The following CSMD3 variants were observed in gnomAD, a reference collection of about 807,000 sequenced individuals.
CSMD3 encodes CUB and sushi domain-containing protein 3.
CSMD3 carries 177 observed loss-of-function variants against 435.2 expected under a neutral mutation model. The ratio of observed to expected loss-of-function variants is 0.41; its 90% CI spans 0.36 to 0.46. The LOEUF (loss-of-function observed/expected upper bound fraction) is 0.46, where lower values mean the gene tolerates loss of function less well. Among genes scored for constraint, CSMD3 ranks in the 20% least tolerant of loss-of-function variants. The pLI is 0.34. For missense variants in CSMD3, 4,265 were observed against 4,504.6 expected (o/e 0.95, Z 1.52); for synonymous variants, 1,656 against 1,520.5 (o/e 1.09, Z -2.07).
intron 4 of CSMD3, among the ~76,000 whole-genome samples, chr8:113,158,753 T>G (rs2091981999): frequency 6.6e-6 from 1 of 152,006 alleles, no homozygotes. Flanking sequence ...TTTGTATATG[T>G]GTATATATAC....
chr8:113,154,858 G>T (rs2091901018), intron 4 of CSMD3, among the ~76,000 whole-genome samples: 1 of 151,900 alleles, frequency 6.6e-6, no homozygotes. Flanking sequence ...TCCTTCTGCT[G>T]CCATAACTGT....
At chr8:112,370,045 G>GAAT (rs1828210571) in intron 38 of CSMD3, among the ~76,000 whole-genome samples, 1 of 146,628 alleles carries the variant, frequency 6.8e-6, no homozygotes, top group Non-Finnish European at 1.5e-5. Context: ...AGAAGAAGAA[G>GAAT]AAGAAGAAGA....
intron 10 of CSMD3, among the ~76,000 whole-genome samples, chr8:112,907,115 GAAAAGTT>G (rs145019948): frequency 1.3e-5 from 2 of 151,632 alleles, no homozygotes; most frequent in East Asian, 3.9e-4. Flanking sequence ...TCAGAAAAGG[GAAAAGTT>G]AATTCAGGAA....
chr8:112,930,684 C>T (rs914077954), intron 9 of CSMD3, among the ~76,000 whole-genome samples: 5 of 152,064 alleles, frequency 3.3e-5, no homozygotes, highest in Non-Finnish European at 7.4e-5. Flanking sequence ...ATTTGATCTA[C>T]TCTTGACGTT....
At chr8:113,190,544 G>A (rs905110596) in intron 3 of CSMD3, among the ~76,000 whole-genome samples, 4 of 151,584 alleles carry the variant, frequency 2.6e-5, no homozygotes, top group African/African-American at 9.7e-5. Flanking sequence ...AAAGCCAGAG[G>A]GTTAGACTTT....
chr8:113,058,823 ATAGT>A (rs138213361), intron 5 of CSMD3, among the ~76,000 whole-genome samples: 3,035 of 152,102 alleles, frequency 0.02, 99 homozygotes, highest in African/African-American at 0.07. Flanking sequence ...TTTTTACTCT[ATAGT>A]TAGTTTTTAA....
chr8:112,287,169 T>G lies in CSMD3; in HGVS notation c.9226A>C (p.Ser3076Arg), dbSNP rs901475922. The G allele has an allele frequency of 5.0e-6, 8 of 1,613,660 alleles. No individual in the cohort carries two copies. The African/African-American group carries it at 1.1e-4, about 22-fold the overall frequency. Reference sequence around the variant, plus strand: ...GTATCACAAGCATAACGTACAGTACTTTTAGTTCTGAAATTGCTTTCCTGT... The same window carrying G: ...GTATCACAAGCATAACGTACAGTACGTTTAGTTCTGAAATTGCTTTCCTGT... ...SRQESNFRTK[S>R]TVRYACDTGY... The change falls in exon 58 of 71, where the codon AGT becomes CGT. Residue 3076 changes from serine to arginine, a missense_variant. Coordinates refer to ENST00000297405, the MANE Select transcript of CSMD3 (RefSeq NM_198123.2).
intron 13 of CSMD3, among the ~76,000 whole-genome samples, chr8:112,764,259 T>TTTG (rs2077919568): frequency 1.3e-5 from 2 of 151,684 alleles, no homozygotes; most frequent in Admixed American, 1.3e-4. Context: ...AACAGCATTT[T>TTTG]CATTTTAAGC....
intron 32 of CSMD3, among the ~76,000 whole-genome samples, chr8:112,433,253 C>CCTACAGCAGG (rs11280682): frequency 6.6e-6 from 1 of 151,532 alleles, no homozygotes; most frequent in Non-Finnish European, 1.5e-5. Context: ...GCAGAAATAA[C>CCTACAGCAGG]AAAGAAATAA....
chr8:113,014,267 T>C (rs2086367816), intron 6 of CSMD3, among the ~76,000 whole-genome samples: 1 of 152,166 alleles, frequency 6.6e-6, no homozygotes, highest in Admixed American at 6.6e-5. Context: ...ACAGTTCTCT[T>C]TGCAGACTAT....
rs187462933 is a variant in CSMD3, at chr8:113,035,939, T to C, written c.918-16760A>G. ...AAATGCATTCATTATTTGCCCATAA[T>C]TGCATTCTCAATACATTCCATTCCC... is the stretch of plus-strand genomic sequence containing the variant. On this transcript the variant is annotated intron_variant, in intron 5 of 70. Coordinates refer to ENST00000297405, the MANE Select transcript of CSMD3 (RefSeq NM_198123.2). 1.0e-3 allele frequency among the ~76,000 whole-genome samples: 152 copies of C among 152,104 alleles called. 1 individual carries two copies. In the East Asian group the frequency reaches 0.021, roughly 21 times the overall value.
rs1459022874 is a variant in CSMD3, at chr8:113,436,735, A to G, written c.120T>C (p.Ile40=). ...GGTTCCAAAACGTAAATCCACTTTTAATCCCCATTTTCTTCATCAGGATGA... is the reference window on the plus strand; with the variant it reads ...GGTTCCAAAACGTAAATCCACTTTTGATCCCCATTTTCTTCATCAGGATGA... The part of the protein sequence containing the change: ...LDFILMKKMG[I]KSGFTFWNLV... Residue 40 remains isoleucine, a synonymous_variant, in exon 1 of 71, where the codon ATT becomes ATC. Transcript: ENST00000297405. 4.3e-6 allele frequency: 7 copies of G among 1,614,180 alleles called. No individual in the cohort carries two copies. The highest frequency in any genetic ancestry group is 5.1e-6 in the Non-Finnish European group (6 of 1,180,030).
intron 10 of CSMD3, among the ~76,000 whole-genome samples, chr8:112,902,405 C>T (rs796674334): frequency 6.6e-6 from 1 of 151,194 alleles, no homozygotes; most frequent in Non-Finnish European, 1.5e-5. Context: ...TGCATCCAGC[C>T]CAGTCCCAAG....
At chr8:113,417,653 G>C (rs1171678191) in intron 1 of CSMD3, among the ~76,000 whole-genome samples, 1 of 151,914 alleles carries the variant, frequency 6.6e-6, no homozygotes. Context: ...TACACTATAG[G>C]CTGTCTTATT....
intron 1 of CSMD3, among the ~76,000 whole-genome samples, chr8:113,367,918 A>T (rs1328374670): frequency 6.6e-6 from 1 of 151,946 alleles, no homozygotes; most frequent in Non-Finnish European, 1.5e-5. Context: ...AATCTAAATT[A>T]TTTTATTTAT....
intron 7 of CSMD3, among the ~76,000 whole-genome samples, chr8:112,960,755 T>G (rs140831065): frequency 6.6e-6 from 1 of 151,764 alleles, no homozygotes; most frequent in African/African-American, 2.4e-5. Context: ...ATACTAGGGA[T>G]ACACGAGAGT....
Position 112,352,632 on chromosome 8 carries a change from C to T in CSMD3, c.6137-98G>A, listed in dbSNP as rs1826234339. 3 of 1,024,290 alleles carry T rather than the reference C, an allele frequency of 2.9e-6. 1 individual carries two copies. The South Asian group carries it at 3.8e-5, about 13-fold the overall frequency. 63.5% of individuals were successfully genotyped at this position (1,024,290 alleles called of 1,614,324 possible). On this transcript the variant is annotated intron_variant, in intron 38 of 70. Coordinates refer to ENST00000297405, the MANE Select transcript of CSMD3 (RefSeq NM_198123.2). ...CTAAAATTGAATATCAGTGTCTCAT[C>T]AAACTAGATACTATATTGAGACGTT...
At chr8:113,354,176 C>G (rs1057247336) in intron 1 of CSMD3, among the ~76,000 whole-genome samples, 1 of 152,116 alleles carries the variant, frequency 6.6e-6, no homozygotes, top group Non-Finnish European at 1.5e-5. Context: ...AAAGTGTGCC[C>G]TTGACTTCTA....
At position 112,875,981 on chromosome 8, in the gene CSMD3, G is replaced by A. The variant is rs141316887; in HGVS notation, c.1634-16715C>T. Reference sequence around the variant, plus strand: ...CCTTGCTGGAGAACAATGATCCTTTGGAAAATAAGAGGCATTCTGGTTTTT... The same window carrying A: ...CCTTGCTGGAGAACAATGATCCTTTAGAAAATAAGAGGCATTCTGGTTTTT... On this transcript the variant is annotated intron_variant, in intron 10 of 70. Transcript: ENST00000297405. Among the ~76,000 whole-genome samples the A allele has an allele frequency of 5.2e-3, 788 of 152,136 alleles. 15 individuals carry two copies. The highest frequency in any genetic ancestry group is 0.018 in the African/African-American group (761 of 41,510).
Sources: gnomAD v4.1 joint callset for allele counts (sites outside exome capture counted in the v4.1 genomes callset) on GRCh38, gnomAD v4.1.1 for gene constraint, MANE v1.5 for transcripts, NCBI Gene and HGNC (gene_info 2026-07-23, HGNC 2026-07-21) for gene names.